CNTN5: variants seen among roughly 807,000 people sequenced by gnomAD.
CNTN5 encodes contactin 5, also known as contactin-5.
A neutral mutation model predicts 129.1 loss-of-function variants in CNTN5; 77 were observed. That is an observed-to-expected ratio of 0.60 (90% CI 0.50 to 0.72). CNTN5 has a LOEUF of 0.72. Ranked by LOEUF, CNTN5 falls within the 30% of genes least tolerant of loss-of-function variation. The pLI is 0.00. For synonymous variants in CNTN5, 509 were observed against 465.6 expected (o/e 1.09, Z -1.20); for missense variants, 1,478 against 1,328.8 (o/e 1.11, Z -1.75).
At chr11:100,009,667 C>T (rs1458184251) in intron 9 of CNTN5, among the ~76,000 whole-genome samples, 1 of 152,086 alleles carries the variant, frequency 6.6e-6, no homozygotes, top group Non-Finnish European at 1.5e-5. Context: ...ACTGGGTTAT[C>T]AGGAGAGGCA....
At chr11:100,068,798 A>G (rs2137852172) in intron 10 of CNTN5, among the ~76,000 whole-genome samples, 1 of 152,318 alleles carries the variant, frequency 6.6e-6, no homozygotes, top group South Asian at 2.1e-4. Context: ...ATGCTATGCC[A>G]AAGTGGGGCT....
intron 18 of CNTN5, among the ~76,000 whole-genome samples, chr11:100,285,306 A>G (rs1011779450): frequency 1.3e-5 from 2 of 152,170 alleles, no homozygotes; most frequent in Non-Finnish European, 2.9e-5. Flanking sequence ...TCTGCAGTCA[A>G]CTTCCCAAGA....
chr11:99,884,139 C>T (rs1948839309), intron 6 of CNTN5, among the ~76,000 whole-genome samples: 1 of 152,134 alleles, frequency 6.6e-6, no homozygotes. Flanking sequence ...AATCTATATT[C>T]AGAAATTCTA....
chr11:99,609,947 A>C (rs1276923349), intron 3 of CNTN5, among the ~76,000 whole-genome samples: 1 of 152,130 alleles, frequency 6.6e-6, no homozygotes, highest in East Asian at 1.9e-4. Flanking sequence ...TGTGCCAGGC[A>C]CTATGTATAG....
intron 3 of CNTN5, among the ~76,000 whole-genome samples, chr11:99,635,218 T>C (rs1194515539): frequency 2.6e-5 from 4 of 152,198 alleles, no homozygotes; most frequent in Admixed American, 6.5e-5. Context: ...ATGTGAAAAT[T>C]ACAGAGTGTT....
intron 20 of CNTN5, among the ~76,000 whole-genome samples, chr11:100,305,090 C>T (rs10501959): frequency 0.49 from 74,169 of 151,164 alleles, 21,167 homozygotes; most frequent in East Asian, 0.89. Context: ...TAAAATGGAC[C>T]CTAGGAGATG....
chr11:99,638,950 A>G (rs914381502), intron 3 of CNTN5, among the ~76,000 whole-genome samples: 1 of 152,078 alleles, frequency 6.6e-6, no homozygotes, highest in African/African-American at 2.4e-5. Context: ...CCCAGTAGGG[A>G]CTTTGTGAAG....
chr11:99,425,687 G>A (rs1943089172), intron 2 of CNTN5, among the ~76,000 whole-genome samples: 1 of 152,264 alleles, frequency 6.6e-6, no homozygotes, highest in South Asian at 2.1e-4. Flanking sequence ...TTCAAGGGCA[G>A]GGGTTGCTTC....
chr11:99,276,753 A>T (rs927835414), intron 1 of CNTN5, among the ~76,000 whole-genome samples: 4 of 151,492 alleles, frequency 2.6e-5, no homozygotes, highest in Non-Finnish European at 5.9e-5. Flanking sequence ...ATGTATACAA[A>T]TATATACACA....
At chr11:99,113,171 G>A (rs1418445117) in intron 1 of CNTN5, among the ~76,000 whole-genome samples, 1 of 151,998 alleles carries the variant, frequency 6.6e-6, no homozygotes, top group African/African-American at 2.4e-5. Flanking sequence ...CTTTTTCAGA[G>A]TAACAGTTAC....
intron 3 of CNTN5, among the ~76,000 whole-genome samples, chr11:99,628,978 A>G (rs1951238356): frequency 6.6e-6 from 1 of 152,116 alleles, no homozygotes; most frequent in Non-Finnish European, 1.5e-5. Context: ...TAGACTCAGC[A>G]CATATTCACA....
intron 3 of CNTN5, among the ~76,000 whole-genome samples, chr11:99,577,166 G>A (rs1949383107): frequency 6.6e-6 from 1 of 152,162 alleles, no homozygotes; most frequent in Non-Finnish European, 1.5e-5. Context: ...GAAGGATTGA[G>A]GGTATTTGAA....
chr11:100,074,064 G>C, intron 12 of CNTN5, 80 bp from the exon 13 acceptor site: 1 of 1,342,086 alleles, frequency 7.5e-7, no homozygotes, highest in East Asian at 2.4e-5. Context: ...AGAAGAAAAA[G>C]TTACAAGATC....
At chr11:99,441,256 A>C (rs1943817545) in intron 2 of CNTN5, among the ~76,000 whole-genome samples, 1 of 152,226 alleles carries the variant, frequency 6.6e-6, no homozygotes, top group Admixed American at 6.5e-5. Context: ...TTAGTATAAT[A>C]TTTAGTCTAG....
At chr11:99,917,225 CCCTCCAATT>C (rs1949815299) in intron 7 of CNTN5, among the ~76,000 whole-genome samples, 1 of 151,772 alleles carries the variant, frequency 6.6e-6, no homozygotes, top group Non-Finnish European at 1.5e-5. Flanking sequence ...TGAGTTGTAC[CCCTCCAATT>C]GTTGAGTTGT....
chr11:99,917,265 C>A (rs994369683), intron 7 of CNTN5, among the ~76,000 whole-genome samples: 3 of 152,028 alleles, frequency 2.0e-5, no homozygotes, highest in Admixed American at 1.3e-4. Context: ...TTCCTGTACA[C>A]CAGTCCAGTT....
At chr11:99,523,257 T>C (rs1036103324) in intron 2 of CNTN5, among the ~76,000 whole-genome samples, 10 of 152,198 alleles carry the variant, frequency 6.6e-5, no homozygotes, top group African/African-American at 2.4e-4. Context: ...TATCACACTG[T>C]ATTTGAACAT....
At chr11:99,584,586 A>G (rs1227707095) in intron 3 of CNTN5, among the ~76,000 whole-genome samples, 2 of 152,226 alleles carry the variant, frequency 1.3e-5, no homozygotes, top group African/African-American at 4.8e-5. Context: ...GTCTCACTCA[A>G]TAATATCTCC....
At chr11:99,852,941 T>C (rs1947919549) in intron 6 of CNTN5, among the ~76,000 whole-genome samples, 1 of 152,210 alleles carries the variant, frequency 6.6e-6, no homozygotes, top group Admixed American at 6.5e-5. Flanking sequence ...TAAATTTCAC[T>C]TAATTGTGTC....
Sources: gnomAD v4.1 joint callset for allele counts (sites outside exome capture counted in the v4.1 genomes callset) on GRCh38, gnomAD v4.1.1 for gene constraint, MANE v1.5 for transcripts, NCBI Gene and HGNC (gene_info 2026-07-23, HGNC 2026-07-21) for gene names.